NMD3: variants seen among roughly 807,000 people sequenced by gnomAD.
The protein encoded by NMD3 is 60S ribosomal export protein NMD3.
NMD3 carries 47 observed loss-of-function variants against 73.1 expected under a neutral mutation model. That is an observed-to-expected ratio of 0.64 (90% CI 0.51 to 0.82). NMD3 has a LOEUF of 0.82. Ranked by LOEUF, NMD3 falls within the 40% of genes least tolerant of loss-of-function variation. The pLI is 0.00. For synonymous variants in NMD3, 210 were observed against 194.5 expected, an observed-to-expected ratio of 1.08 and a Z score of -0.66; for missense variants, 554 against 612.5, an observed-to-expected ratio of 0.90 and a Z score of 1.01.
chr3:161,250,350 G>A, intron 15 of NMD3, 24 bp downstream of exon 15: 4 of 1,444,358 alleles, frequency 2.8e-6, no homozygotes, highest in Non-Finnish European at 3.9e-6. Flanking sequence ...GAGTGTTTAA[G>A]TCATTTGTTC....
At chr3:161,237,538 C>CTT (rs71628447) in intron 7 of NMD3, among the ~76,000 whole-genome samples, 21 of 108,804 alleles carry the variant, frequency 1.9e-4, no homozygotes, top group South Asian at 3.2e-4. Context: ...AAATAACTTT[C>CTT]TTTTTTTTTT....
chr3:161,245,617 A>T (rs2108099237), intron 11 of NMD3, among the ~76,000 whole-genome samples: 1 of 151,800 alleles, frequency 6.6e-6, no homozygotes, highest in East Asian at 1.9e-4. Flanking sequence ...GAGATTCCTT[A>T]ATTTTATTTA....
chr3:161,227,134 C>T (rs1325306942), intron 3 of NMD3, 113 bp from the exon 4 acceptor site: 3 of 588,624 alleles, frequency 5.1e-6, no homozygotes, highest in South Asian at 2.1e-5. Flanking sequence ...TTCATATCAT[C>T]CTTGGGTTTT....
intron 4 of NMD3, among the ~76,000 whole-genome samples, chr3:161,231,825 G>C (rs1457379468): frequency 6.6e-6 from 1 of 152,156 alleles, no homozygotes; most frequent in East Asian, 1.9e-4. Flanking sequence ...CATTGTTAAT[G>C]AATGTTGAGC....
intron 14 of NMD3, 140 bp from the exon 15 acceptor site, chr3:161,250,116 T>G (rs376621181): frequency 1.8e-6 from 1 of 565,096 alleles, no homozygotes. Flanking sequence ...CTAAAAAAAC[T>G]GAGAGTTTAT....
intron 7 of NMD3, 30 bp from the exon 8 acceptor site, chr3:161,238,083 T>C (rs765712714): frequency 6.9e-7 from 1 of 1,445,704 alleles, no homozygotes; most frequent in African/African-American, 1.6e-5. Flanking sequence ...TGCATAATTA[T>C]TTTCATAGGG....
chr3:161,250,738 TA>T, intron 15 of NMD3, 41 bp from the exon 16 acceptor site: 1 of 1,311,572 alleles, frequency 7.6e-7, no homozygotes. Context: ...TGTATACATA[TA>T]AATACTTTGT....
At chr3:161,227,437 A>ATT (rs55825529) in intron 4 of NMD3, 94 bp downstream of exon 4, 17,444 of 354,822 alleles carry the variant, frequency 0.049, 91 homozygotes, top group East Asian at 0.068. Flanking sequence ...TTCAAAAGGA[A>ATT]TTTTTTTTTT....
chr3:161,227,330 C>T lies in NMD3; in HGVS notation c.263C>T (p.Ala88Val), dbSNP rs376527627. The change falls in exon 4 of 16, where the codon GCC (alanine) becomes GTC (valine). Residue 88 changes from alanine to valine, a missense_variant. Ala to Val is a moderately conservative substitution (Grantham distance 64, BLOSUM62 0). Coordinates refer to ENST00000351193, the MANE Select transcript of NMD3 (RefSeq NM_015938.5). ...GCTTTGTGCTTGAAAAAAATCAAAG[C>T]CCCTCTGAGTAAGGTAAGTTAAACA... Reference protein sequence around the residue: ...LLALCLKKIKAPLSKVRLVDA... With the variant: ...LLALCLKKIKVPLSKVRLVDA... 65 of 1,599,496 alleles carry T rather than the reference C, an allele frequency of 4.1e-5. No homozygotes were observed. Among genetic ancestry groups the T allele is most frequent in the Non-Finnish European group, 9.4e-6 (11 of 1,169,216 alleles).
At position 161,252,258 on chromosome 3, in the gene NMD3, T is replaced by G. The variant is rs769436572; in HGVS notation, c.*1348T>G. On this transcript the variant is annotated 3_prime_UTR_variant, in exon 16 of 16. Coordinates refer to ENST00000351193, the MANE Select transcript of NMD3 (RefSeq NM_015938.5). ...GTTTACATCTTCCGTGTCAAGATAT[T>G]TTAAAGCATGAAAATAAAGCCATTC... 1 of 152,210 alleles carries G rather than the reference T, an allele frequency of 6.6e-6. No homozygotes were observed. Among genetic ancestry groups the G allele is most frequent in the African/African-American group, 2.4e-5 (1 of 41,452 alleles). 9.4% of individuals were successfully genotyped at this position (152,210 alleles called of 1,614,324 possible). A position where few individuals can be genotyped will look rare whatever the true frequency, so the allele number is the denominator to read the frequency against.
At chr3:161,252,791 T>C, downstream of NMD3, 1 of 692,564 alleles carries the variant, frequency 1.4e-6, no homozygotes, top group Non-Finnish European at 2.6e-6. Flanking sequence ...CTGAAGCTGC[T>C]GATTTAGAGT....
chr3:161,231,932 G>A (rs1378604351), intron 4 of NMD3, among the ~76,000 whole-genome samples: 1 of 152,044 alleles, frequency 6.6e-6, no homozygotes, highest in Non-Finnish European at 1.5e-5. Flanking sequence ...ATTGGAGTAT[G>A]GGAAATAGGG....
chr3:161,238,919 G>A (rs942544008), intron 9 of NMD3, 93 bp downstream of exon 9: 9 of 598,906 alleles, frequency 1.5e-5, no homozygotes, highest in Admixed American at 3.4e-5. Context: ...TTTCCTCTAG[G>A]GTTGGTTAAA....
In NMD3 at chr3:161,246,985, A is replaced by T. The variant is rs542674128; in HGVS notation, c.1131-273A>T. Among the ~76,000 whole-genome samples the T allele has an allele frequency of 7.6e-4, 115 of 152,020 alleles. 1 individual carries two copies. In the South Asian group the frequency reaches 0.011, roughly 15 times the overall value. ...TAAACTAGAAGGAAGCAACTAATTG[A>T]ATTCTAAAGTTGGACTGATATGTAA... On this transcript the variant is annotated intron_variant, in intron 12 of 15. Coordinates refer to ENST00000351193, the MANE Select transcript of NMD3 (RefSeq NM_015938.5).
chr3:161,241,077 C>T lies in NMD3; in HGVS notation c.785C>T (p.Ala262Val), dbSNP rs1192531627. 1.2e-6 allele frequency: 2 copies of T among 1,612,612 alleles called. No homozygotes were observed. The highest frequency in any genetic ancestry group is 4.5e-5 in the East Asian group (2 of 44,832). ...GTTGTCTGTCTGTCTCCAAAACTGG[C>T]ACAAAGCCTGGGAAATATGAACCAG... The part of the protein sequence containing the change: ...DNVVCLSPKL[A>V]QSLGNMNQIC... The change falls in exon 10 of 16, where the codon GCA (alanine) becomes GTA (valine). Residue 262 changes from alanine to valine, a missense_variant. Coordinates refer to ENST00000351193, the MANE Select transcript of NMD3 (RefSeq NM_015938.5).
At chr3:161,227,167 G>T in intron 3 of NMD3, 80 bp from the exon 4 acceptor site, 5 of 766,126 alleles carry the variant, frequency 6.5e-6, no homozygotes, top group Non-Finnish European at 1.1e-5. Context: ...TAATAATTTG[G>T]GTTATATCTG....
At chr3:161,250,563 A>G (rs954085052) in intron 15 of NMD3, among the ~76,000 whole-genome samples, 2 of 151,948 alleles carry the variant, frequency 1.3e-5, no homozygotes, top group African/African-American at 4.8e-5. Flanking sequence ...TAAGTTGCTC[A>G]CTCCTATAGT....
rs1392823936 is a variant in NMD3, at chr3:161,224,959, G to A, written c.74G>A (p.Ser25Asn). ...TGCTGTGAGTGTGGTGTTCCGATAA[G>A]TCCAAATCCTGCCAATATTTGTGTG... ...ILCCECGVPI[S>N]PNPANICVAC... is the part of the protein sequence containing the mutation. Residue 25 changes from serine to asparagine, a missense_variant, in exon 3 of 16, where the codon AGT becomes AAT. Physicochemically the swap from Ser to Asn is conservative, Grantham distance 46. Transcript: ENST00000351193. The A allele has an allele frequency of 6.2e-7, 1 of 1,613,638 alleles. No homozygotes were observed. Among genetic ancestry groups the A allele is most frequent in the Admixed American group, 1.7e-5 (1 of 59,946 alleles).
chr3:161,233,613 T>C lies in NMD3; in HGVS notation c.357+134T>C, dbSNP rs962580211. The C allele has an allele frequency of 5.1e-5, 27 of 527,852 alleles. No homozygotes were observed. In the African/African-American group the frequency reaches 5.2e-4, roughly 10 times the overall value. 32.7% of individuals were successfully genotyped at this position (527,852 alleles called of 1,614,324 possible). On this transcript the variant is annotated intron_variant, in intron 5 of 15. Coordinates refer to ENST00000351193, the MANE Select transcript of NMD3 (RefSeq NM_015938.5). ...CTCAATTTTAGCTGTTTGTTTTCTT[T>C]TGAGCATCTGTACAAATAATTAGAT...
Sources: allele counts gnomAD v4.1 joint callset (sites outside exome capture counted in the v4.1 genomes callset), GRCh38; gene constraint gnomAD v4.1.1; transcripts MANE v1.5; gene names NCBI Gene and HGNC (gene_info 2026-07-23, HGNC 2026-07-21).